Variants in GSE1 observed in about 807,000 individuals in gnomAD.
The protein encoded by GSE1 is Gse1 coiled-coil protein, also known as genetic suppressor element 1.
In GSE1, 32 loss-of-function variants were observed where a neutral mutation model predicts 112.6. That is an observed-to-expected ratio of 0.28 (90% CI 0.21 to 0.38). The LOEUF (loss-of-function observed/expected upper bound fraction) is 0.38. GSE1 is among the 10% of genes least tolerant of loss of function. GSE1 has a pLI of 1.00. For synonymous variants in GSE1, 1,115 were observed against 735.6 expected (o/e 1.52, Z -8.35); for missense variants, 2,348 against 1,699.2 (o/e 1.38, Z -6.71).
intron 2 of GSE1, among the ~76,000 whole-genome samples, chr16:85,398,306 G>T (rs1251688789): frequency 1.3e-5 from 2 of 152,174 alleles, no homozygotes; most frequent in African/African-American, 2.4e-5. Context: ...GGCAAAACCT[G>T]GGACACTGAG....
intron 8 of GSE1, among the ~76,000 whole-genome samples, chr16:85,659,945 C>T (rs933833681): frequency 9.8e-5 from 15 of 152,326 alleles, no homozygotes; most frequent in Admixed American, 7.8e-4. Flanking sequence ...GGGGCAGTCT[C>T]GGCACAGGCC....
intron 2 of GSE1, among the ~76,000 whole-genome samples, chr16:85,477,117 G>A (rs1238197488): frequency 2.0e-5 from 3 of 151,998 alleles, no homozygotes; most frequent in Admixed American, 6.5e-5. Flanking sequence ...TAGTAGAAAC[G>A]GGGTTTCGCC....
At chr16:85,246,498 ACACCCCC>A (rs1191743923) in intron 1 of GSE1, among the ~76,000 whole-genome samples, 2 of 31,520 alleles carry the variant, frequency 6.3e-5, no homozygotes, top group Non-Finnish European at 1.3e-4. Context: ...CACACTCTAC[ACACCCCC>A]CCCCCCCCGA....
At chr16:85,253,170 C>T (rs371314735) in intron 1 of GSE1, among the ~76,000 whole-genome samples, 1 of 151,120 alleles carries the variant, frequency 6.6e-6, no homozygotes, top group African/African-American at 2.4e-5. Flanking sequence ...GAGCTGCCCA[C>T]GGGAGGAGGC....
At chr16:85,177,537 A>G (rs950884163) in intron 1 of GSE1, among the ~76,000 whole-genome samples, 3 of 152,190 alleles carry the variant, frequency 2.0e-5, no homozygotes, top group African/African-American at 7.2e-5. Flanking sequence ...CAGTTTCCCC[A>G]TCCGTCAAAG....
intron 1 of GSE1, among the ~76,000 whole-genome samples, chr16:85,329,130 G>C (rs963985087): frequency 3.9e-5 from 6 of 152,048 alleles, no homozygotes; most frequent in Non-Finnish European, 7.4e-5. Context: ...AGCTCCCTGG[G>C]CCCCCCAGAA....
intron 2 of GSE1, among the ~76,000 whole-genome samples, chr16:85,495,723 C>A (rs2051154370): frequency 1.3e-5 from 2 of 152,136 alleles, no homozygotes; most frequent in South Asian, 4.1e-4. Context: ...TCTCAAAACT[C>A]CTGGCCTCAG....
chr16:85,284,525 C>G (rs1035286200), intron 1 of GSE1, among the ~76,000 whole-genome samples: 4 of 152,180 alleles, frequency 2.6e-5, no homozygotes, highest in African/African-American at 9.7e-5. Flanking sequence ...AGCACAAAGC[C>G]CTGGATTTTC....
At chr16:85,357,761 C>T (rs918012527) in intron 2 of GSE1, 2 of 527,172 alleles carry the variant, frequency 3.8e-6, no homozygotes, top group Non-Finnish European at 6.0e-6. Context: ...CCTCGGCATC[C>T]TAGGGGAGAG....
At chr16:85,660,596 C>T (rs1291760030) in intron 8 of GSE1, among the ~76,000 whole-genome samples, 1 of 152,020 alleles carries the variant, frequency 6.6e-6, no homozygotes, top group Non-Finnish European at 1.5e-5. Context: ...CTGAGCTTGC[C>T]CCACTGCACT....
intron 1 of GSE1, among the ~76,000 whole-genome samples, chr16:85,214,732 A>G (rs2143689797): frequency 6.6e-6 from 1 of 152,240 alleles, no homozygotes; most frequent in African/African-American, 2.4e-5. Flanking sequence ...GGTGCAGGCG[A>G]CTAGAGCCTC....
chr16:85,448,305 A>G (rs1265742572), intron 2 of GSE1, among the ~76,000 whole-genome samples: 1 of 152,210 alleles, frequency 6.6e-6, no homozygotes, highest in African/African-American at 2.4e-5. Context: ...GAAGCTCTCC[A>G]GATGATTCTG....
intron 2 of GSE1, among the ~76,000 whole-genome samples, chr16:85,414,489 C>T (rs562293995): frequency 6.6e-6 from 1 of 152,346 alleles, no homozygotes; most frequent in South Asian, 2.1e-4. Flanking sequence ...ACTGCCCTGA[C>T]CCACAGAATG....
At chr16:85,280,809 C>T (rs1026314234) in intron 1 of GSE1, among the ~76,000 whole-genome samples, 1 of 152,202 alleles carries the variant, frequency 6.6e-6, no homozygotes, top group Non-Finnish European at 1.5e-5. Flanking sequence ...TTTTCAAACC[C>T]TCTGAGGACT....
At position 85,246,352 on chromosome 16, in the gene GSE1, CACACACACACACACACCACACGCTGTCT is replaced by C. The variant is rs1567636109; in HGVS notation, c.2283+74556_2283+74583del. On this transcript the variant is annotated intron_variant, in intron 1 of 2. Coordinates refer to the GSE1 transcript ENST00000637419. ...ACACACCCCCCACACGCTGTCTACA[CACACACACACACACACCACACGCTGTCT>C]ACACACACACCCCACACGCTGTCTA... Among the ~76,000 whole-genome samples, 110 of 114,946 alleles carry C rather than the reference CACACACACACACACACCACACGCTGTCT, an allele frequency of 9.6e-4. 4 individuals are homozygous for C. Among genetic ancestry groups the C allele is most frequent in the Middle Eastern group, 4.1e-3 (1 of 244 alleles). The allele number at this position is 114,946 out of a possible 152,430, so 75.4% of individuals were successfully genotyped here. A position where few individuals can be genotyped will look rare whatever the true frequency, so the allele number is the denominator to read the frequency against.
intron 2 of GSE1, among the ~76,000 whole-genome samples, chr16:85,420,518 G>A (rs2048813063): frequency 7.2e-6 from 1 of 138,676 alleles, no homozygotes; most frequent in Admixed American, 6.7e-5. Flanking sequence ...CCAGGGCCAA[G>A]GGGGGTGGCA....
At chr16:85,389,049 T>A (rs1158620975) in intron 2 of GSE1, among the ~76,000 whole-genome samples, 1 of 152,182 alleles carries the variant, frequency 6.6e-6, no homozygotes, top group African/African-American at 2.4e-5. Context: ...CCTCATTGAC[T>A]GGGAAAAGGA....
chr16:85,534,543 G>A (rs2044258117), intron 2 of GSE1, among the ~76,000 whole-genome samples: 1 of 152,150 alleles, frequency 6.6e-6, no homozygotes, highest in Admixed American at 6.5e-5. Context: ...CCAGCCTGTG[G>A]CAACCACATT....
chr16:85,248,883 C>A (rs1379104974), intron 1 of GSE1, among the ~76,000 whole-genome samples: 4 of 152,202 alleles, frequency 2.6e-5, no homozygotes, highest in Non-Finnish European at 5.9e-5. Context: ...TGCATGGGCC[C>A]TGGGCACTGG....
Sources: gnomAD v4.1 joint callset for allele counts (sites outside exome capture counted in the v4.1 genomes callset) on GRCh38, gnomAD v4.1.1 for gene constraint, MANE v1.5 for transcripts, NCBI Gene and HGNC (gene_info 2026-07-23, HGNC 2026-07-21) for gene names.